STAP1: variants seen among roughly 807,000 people sequenced by gnomAD.
The protein encoded by STAP1 is signal transducing adaptor family member 1.
In STAP1, 30 loss-of-function variants were observed where a neutral mutation model predicts 37.8. The observed-to-expected ratio is 0.79, with a 90% CI of 0.59 to 1.08. The LOEUF (loss-of-function observed/expected upper bound fraction) is 1.08, where lower values mean the gene tolerates loss of function less well. Ranked by LOEUF, STAP1 falls within the 50% of genes least tolerant of loss-of-function variation. The probability of loss-of-function intolerance (pLI) is 0.00; values close to 1 mark genes in which losing one functional copy is unlikely to be tolerated. For synonymous variants in STAP1, 130 were observed against 116.0 expected (o/e 1.12, Z -0.78); for missense variants, 357 against 349.4 (o/e 1.02, Z -0.17).
intron 6 of STAP1, among the ~76,000 whole-genome samples, chr4:67,589,578 A>T (rs1048598330): frequency 6.6e-6 from 1 of 152,220 alleles, no homozygotes; most frequent in Admixed American, 6.5e-5. Flanking sequence ...GCTTCTGTAC[A>T]TAGGACAAAT....
At chr4:67,598,379 T>C (rs1728269488) in intron 8 of STAP1, among the ~76,000 whole-genome samples, 1 of 152,250 alleles carries the variant, frequency 6.6e-6, no homozygotes. Flanking sequence ...GTTGCTCTAC[T>C]AATTTACATT....
At chr4:67,602,735 C>G (rs527818144) in intron 8 of STAP1, among the ~76,000 whole-genome samples, 64 of 152,106 alleles carry the variant, frequency 4.2e-4, no homozygotes, top group South Asian at 1.0e-3. Context: ...CTCTCTCTCT[C>G]TGTGTGTGTG....
Position 67,575,388 on chromosome 4 carries a change from G to T in STAP1, c.196G>T (p.Val66Phe). Residue 66 changes from valine (V) to phenylalanine (F), a missense_variant, in exon 3 of 9, where the codon GTT becomes TTT. Val to Phe is a conservative substitution (Grantham distance 50, BLOSUM62 -1). Transcript: ENST00000265404. ...TGATCTTCCTTTATCTTTGCAGTAT[G>T]TTGACAAATTAGACATAGTAGACCT... Reference protein sequence around the residue: ...FYTDKKSIIYVDKLDIVDLTC... With the variant: ...FYTDKKSIIYFDKLDIVDLTC... The T allele has an allele frequency of 6.3e-7, 1 of 1,582,104 alleles. No homozygotes were observed. The highest frequency in any genetic ancestry group is 2.0e-5 in the Admixed American group (1 of 50,956).
In STAP1 at chr4:67,575,480, A is replaced by G. The variant is rs756217014; in HGVS notation, c.288A>G (p.Lys96=). The G allele has an allele frequency of 1.2e-5, 20 of 1,610,562 alleles. No homozygotes were observed. In the South Asian group the frequency reaches 1.3e-4, roughly 11 times the overall value. Residue 96 remains lysine (K), a synonymous_variant, in exon 3 of 9, where the codon AAA becomes AAG. Coordinates refer to ENST00000265404, the MANE Select transcript of STAP1 (RefSeq NM_012108.4). ...CGAAATTCACCCTTGTTTTGCCGAA[A>G]GAGGAAGTACAACTGAAGGTGAGCG... The part of the protein sequence containing the change: ...NCAKFTLVLP[K]EEVQLKTENT...
At chr4:67,585,929 T>A (rs1037453272) in intron 6 of STAP1, among the ~76,000 whole-genome samples, 1 of 152,242 alleles carries the variant, frequency 6.6e-6, no homozygotes, top group Non-Finnish European at 1.5e-5. Context: ...TTACTTCCAC[T>A]TTTAAAGATG....
chr4:67,587,719 CTTTTTTT>C (rs34808968), intron 6 of STAP1, among the ~76,000 whole-genome samples: 2 of 128,064 alleles, frequency 1.6e-5, no homozygotes. Context: ...TTCTTTCTTT[CTTTTTTT>C]TTTTTTTTTT....
chr4:67,567,675 C>T (rs1341165408), intron 1 of STAP1, among the ~76,000 whole-genome samples: 1 of 152,210 alleles, frequency 6.6e-6, no homozygotes, highest in Non-Finnish European at 1.5e-5. Context: ...TTAGAATAAG[C>T]TTGCCCATTG....
At chr4:67,598,569 G>A (rs1728273217) in intron 8 of STAP1, among the ~76,000 whole-genome samples, 1 of 152,082 alleles carries the variant, frequency 6.6e-6, no homozygotes, top group South Asian at 2.1e-4. Context: ...TTTGCCATTT[G>A]TATGTCTTCT....
intron 5 of STAP1, among the ~76,000 whole-genome samples, chr4:67,582,009 C>G (rs986836154): frequency 6.6e-6 from 1 of 152,082 alleles, no homozygotes; most frequent in African/African-American, 2.4e-5. Context: ...TGAAAAGATT[C>G]TGAGCTCTTT....
intron 1 of STAP1, among the ~76,000 whole-genome samples, chr4:67,565,027 A>C (rs1213279122): frequency 2.0e-5 from 3 of 152,200 alleles, no homozygotes; most frequent in Non-Finnish European, 4.4e-5. Context: ...CCAGCTCCAA[A>C]AAACAGGAGA....
At chr4:67,592,400 C>G (rs550548164) in intron 7 of STAP1, among the ~76,000 whole-genome samples, 1 of 152,052 alleles carries the variant, frequency 6.6e-6, no homozygotes, top group Admixed American at 6.5e-5. Context: ...ACTCCTAGAC[C>G]GGCAAATTAT....
intron 6 of STAP1, among the ~76,000 whole-genome samples, chr4:67,585,464 AC>A (rs1727960406): frequency 6.6e-6 from 1 of 152,214 alleles, no homozygotes; most frequent in Non-Finnish European, 1.5e-5. Flanking sequence ...TGTCTTATAC[AC>A]TAGTCATGGG....
chr4:67,564,179 G>A (rs2109853322), intron 1 of STAP1, among the ~76,000 whole-genome samples: 1 of 152,208 alleles, frequency 6.6e-6, no homozygotes, highest in South Asian at 2.1e-4. Context: ...CCTTAGGTTT[G>A]CAGCTGTGGT....
At chr4:67,562,150 A>G (rs958960543) in intron 1 of STAP1, among the ~76,000 whole-genome samples, 1 of 150,070 alleles carries the variant, frequency 6.7e-6, no homozygotes, top group Non-Finnish European at 1.5e-5. Context: ...AGTTTGGGCA[A>G]CGTCTCATAA....
chr4:67,560,643 G>GGGTGT (rs370510074), intron 1 of STAP1, among the ~76,000 whole-genome samples: 27 of 149,490 alleles, frequency 1.8e-4, no homozygotes, highest in African/African-American at 4.7e-4. Context: ...TGTGTGTGTG[G>GGGTGT]GTGTGTGTCT....
intron 1 of STAP1, among the ~76,000 whole-genome samples, chr4:67,569,153 A>G (rs1011754162): frequency 6.6e-6 from 1 of 152,230 alleles, no homozygotes; most frequent in Non-Finnish European, 1.5e-5. Context: ...TTATTGTATT[A>G]AATACTGTAG....
intron 6 of STAP1, 110 bp downstream of exon 6, chr4:67,583,812 C>T: frequency 2.2e-6 from 3 of 1,348,934 alleles, no homozygotes; most frequent in Non-Finnish European, 3.0e-6. Flanking sequence ...AATATGAACA[C>T]AAGTGGCCGG....
At chr4:67,598,350 C>A (rs1381279264) in intron 8 of STAP1, among the ~76,000 whole-genome samples, 1 of 152,086 alleles carries the variant, frequency 6.6e-6, no homozygotes, top group Admixed American at 6.6e-5. Context: ...TTTAAGGAGC[C>A]TTCATCCTGT....
At chr4:67,567,343 T>C (rs569942543) in intron 1 of STAP1, among the ~76,000 whole-genome samples, 16 of 147,794 alleles carry the variant, frequency 1.1e-4, no homozygotes, top group African/African-American at 2.5e-4. Context: ...AGCAGGTTCA[T>C]TGCATGTTAT....
Sources: gnomAD v4.1 joint callset for allele counts (sites outside exome capture counted in the v4.1 genomes callset) on GRCh38, gnomAD v4.1.1 for gene constraint, MANE v1.5 for transcripts, NCBI Gene and HGNC (gene_info 2026-07-23, HGNC 2026-07-21) for gene names.